Variants in RBM20 observed in about 807,000 individuals in gnomAD.
The protein encoded by RBM20 is RNA-binding protein 20.
A neutral mutation model predicts 110.1 loss-of-function variants in RBM20; 51 were observed. The observed-to-expected ratio is 0.46, with a 90% CI of 0.37 to 0.59. The LOEUF (loss-of-function observed/expected upper bound fraction) is 0.59. Among genes scored for constraint, RBM20 ranks in the 20% least tolerant of loss-of-function variants. The pLI, the probability that RBM20 is intolerant of heterozygous loss-of-function variation, is 0.00. For synonymous variants in RBM20, 589 were observed against 618.2 expected (o/e 0.95, Z 0.70); for missense variants, 1,512 against 1,574.9 (o/e 0.96, Z 0.68).
chr10:110,704,266 G>A (rs1263972134), intron 1 of RBM20, among the ~76,000 whole-genome samples: 1 of 152,142 alleles, frequency 6.6e-6, no homozygotes, highest in East Asian at 1.9e-4. Context: ...GGGTATATAT[G>A]TACCACAGTT....
In RBM20 at chr10:110,784,422, T is replaced by C. The variant is rs1223413992; in HGVS notation, c.1419T>C (p.Ala473=). 5 of 1,551,300 alleles carry C rather than the reference T, an allele frequency of 3.2e-6. No individual in the cohort carries two copies. The highest frequency in any genetic ancestry group is 4.4e-6 in the Non-Finnish European group (5 of 1,146,762). The change falls in exon 4 of 14, where the codon GCT becomes GCC. Residue 473 remains alanine, a synonymous_variant. Transcript: ENST00000369519. ...ACAGCACAGCTGTTTATAACCCTGCTGGGAATGAAGGTGAGCAAGGCCCTA... is the reference window on the plus strand; with the variant it reads ...ACAGCACAGCTGTTTATAACCCTGCCGGGAATGAAGGTGAGCAAGGCCCTA... The part of the protein sequence containing the change: ...SPNSTAVYNP[A]GNEDYASNLG...
intron 1 of RBM20, among the ~76,000 whole-genome samples, chr10:110,669,349 C>T (rs949660746): frequency 7.9e-5 from 12 of 152,140 alleles, no homozygotes; most frequent in Admixed American, 3.3e-4. Context: ...GATATTTAAA[C>T]GACCAGCTCC....
intron 1 of RBM20, among the ~76,000 whole-genome samples, chr10:110,703,334 C>T (rs368106279): frequency 1.0e-4 from 15 of 150,482 alleles, no homozygotes; most frequent in East Asian, 7.8e-4. Flanking sequence ...GCTCAGATTG[C>T]GCCATTGCAC....
chr10:110,644,131 C>A (rs1363067848), upstream of RBM20, among the ~76,000 whole-genome samples: 2 of 152,180 alleles, frequency 1.3e-5, no homozygotes, highest in Non-Finnish European at 2.9e-5. The surrounding 1 kb of genome is among the most constrained non-coding windows in gnomAD (Gnocchi z 4.3). Flanking sequence ...CGCGCTCCCT[C>A]CCCGCTTCCT....
intron 1 of RBM20, among the ~76,000 whole-genome samples, chr10:110,695,122 G>C (rs1356939174): frequency 1.3e-5 from 2 of 152,178 alleles, no homozygotes; most frequent in Non-Finnish European, 2.9e-5. Flanking sequence ...TGAGTGAGAT[G>C]ACATCCTGAG....
chr10:110,650,590 T>G (rs1861932028), intron 1 of RBM20, among the ~76,000 whole-genome samples: 1 of 151,606 alleles, frequency 6.6e-6, no homozygotes, highest in African/African-American at 2.4e-5. Flanking sequence ...GTATTTGCTT[T>G]AAGGCTGTAC....
chr10:110,810,235 C>T, intron 7 of RBM20, 148 bp from the exon 8 acceptor site: 1 of 630,014 alleles, frequency 1.6e-6, no homozygotes, highest in South Asian at 1.8e-5. Flanking sequence ...TCACACTCAT[C>T]CGTTGGATTA....
chr10:110,823,178 A>G (rs996459705), intron 11 of RBM20, among the ~76,000 whole-genome samples: 1 of 151,000 alleles, frequency 6.6e-6, no homozygotes, highest in African/African-American at 2.4e-5. Flanking sequence ...GATGGGAGGC[A>G]TGGGGGGTGG....
intron 5 of RBM20, among the ~76,000 whole-genome samples, chr10:110,787,724 T>C (rs915630278): frequency 5.9e-5 from 9 of 152,196 alleles, no homozygotes; most frequent in Non-Finnish European, 1.0e-4. Flanking sequence ...ATGGGGAGTT[T>C]ATCTGGCTTG....
rs1367962022 is a variant in RBM20, at chr10:110,835,913, G to A, written c.3619G>A (p.Gly1207Arg). Residue 1207 changes from glycine (G) to arginine (R), a missense_variant, in exon 14 of 14, where the codon GGG becomes AGG. Gly to Arg is a moderately radical substitution (Grantham distance 125). Coordinates refer to ENST00000369519, the MANE Select transcript of RBM20 (RefSeq NM_001134363.3). ...LAEEGLKETEGADSPRPEDSG... is the reference protein window; with the variant it reads ...LAEEGLKETERADSPRPEDSG... ...CGAGGAGGGCCTCAAGGAGACCGAG[G>A]GGGCAGATAGCCCGAGGCCAGAGGA... The A allele has an allele frequency of 1.3e-6, 2 of 1,537,322 alleles. No individual in the cohort carries two copies. The highest frequency in any genetic ancestry group is 3.9e-5 in the Admixed American group (2 of 50,854).
At chr10:110,674,682 T>C (rs1449727485) in intron 1 of RBM20, among the ~76,000 whole-genome samples, 1 of 152,260 alleles carries the variant, frequency 6.6e-6, no homozygotes, top group African/African-American at 2.4e-5. Flanking sequence ...TTAAGATTGA[T>C]CACTGCTTAA....
In RBM20 at chr10:110,806,284, A is replaced by G. The variant is rs185419586; in HGVS notation, c.1801-4099A>G. ...CTCCGTCTCAAAAAAAAAAAAAAGA[A>G]CTACCTGAAACTGGGTAATTTATAA... On this transcript the variant is annotated intron_variant, in intron 7 of 13. Transcript: ENST00000369519. Among the ~76,000 whole-genome samples, 350 of 152,042 alleles carry G rather than the reference A, an allele frequency of 2.3e-3. 3 individuals are homozygous for G. The East Asian group carries it at 0.031, about 13-fold the overall frequency.
intron 1 of RBM20, among the ~76,000 whole-genome samples, chr10:110,731,442 T>A (rs1285606518): frequency 6.6e-6 from 1 of 152,218 alleles, no homozygotes; most frequent in African/African-American, 2.4e-5. Context: ...TAATGTTCTA[T>A]CCATAGGTTC....
Position 110,644,560 on chromosome 10 carries a change from TCCGG to T in RBM20, c.109_112del (p.Gly37ArgfsTer66), listed in dbSNP as rs2134792820. The stretch of plus-strand genomic sequence containing the variant: ...TGGTGCCCGGGCGTCCCCGGCACCC[TCCGG>T]CCCGCGAGGGATGCAGCAGCCGCCG... On this transcript the variant is annotated frameshift_variant, in exon 1 of 14. Coordinates refer to ENST00000369519, the MANE Select transcript of RBM20 (RefSeq NM_001134363.3). LOFTEE classifies it high-confidence loss of function. This position sits in a 1 kb window ranked among gnomAD's most constrained non-coding sequence, Gnocchi z 4.3. The T allele has an allele frequency of 6.6e-7, 1 of 1,525,738 alleles. No homozygotes were observed. The highest frequency in any genetic ancestry group is 8.8e-7 in the Non-Finnish European group (1 of 1,140,232). 94.5% of individuals were successfully genotyped at this position (1,525,738 alleles called of 1,614,324 possible). A position where few individuals can be genotyped will look rare whatever the true frequency, so the allele number is the denominator to read the frequency against.
chr10:110,687,193 T>C lies in RBM20; in HGVS notation c.191+42548T>C, dbSNP rs143630807. 9.2e-5 allele frequency among the ~76,000 whole-genome samples: 14 copies of C among 152,302 alleles called. No individual in the cohort carries two copies. In the East Asian group the frequency reaches 2.7e-3, roughly 29 times the overall value. Reference sequence around the variant, plus strand: ...AGTGAAAAGCTGAGTCATATGGTAATGTCTAGAAAAGTAGTAAGATACTAA... The same window carrying C: ...AGTGAAAAGCTGAGTCATATGGTAACGTCTAGAAAAGTAGTAAGATACTAA... On this transcript the variant is annotated intron_variant, in intron 1 of 13. Transcript: ENST00000369519.
intron 1 of RBM20, among the ~76,000 whole-genome samples, chr10:110,703,009 T>G (rs1260098865): frequency 3.3e-5 from 5 of 151,444 alleles, no homozygotes; most frequent in Non-Finnish European, 7.4e-5. Context: ...TTTTGTTTTT[T>G]TTTTTGGTTG....
intron 1 of RBM20, among the ~76,000 whole-genome samples, chr10:110,745,664 C>T (rs903297531): frequency 6.6e-5 from 10 of 152,242 alleles, no homozygotes; most frequent in Non-Finnish European, 1.3e-4. Context: ...CAGGAGTAGC[C>T]GTCATATCCA....
chr10:110,757,690 A>C (rs1437545411), intron 1 of RBM20, among the ~76,000 whole-genome samples: 3 of 152,230 alleles, frequency 2.0e-5, no homozygotes, highest in Non-Finnish European at 4.4e-5. Context: ...TAGGCACAGC[A>C]CTGGGCATTG....
intron 1 of RBM20, among the ~76,000 whole-genome samples, chr10:110,771,919 A>C (rs1844198982): frequency 6.6e-6 from 1 of 152,248 alleles, no homozygotes; most frequent in African/African-American, 2.4e-5. Context: ...AATGCTTTGC[A>C]TAGCAGTTTT....
Sources: allele counts gnomAD v4.1 joint callset (sites outside exome capture counted in the v4.1 genomes callset), GRCh38; gene constraint gnomAD v4.1.1; non-coding constraint Gnocchi (gnomAD v3.1); transcripts MANE v1.5; gene names NCBI Gene and HGNC (gene_info 2026-07-23, HGNC 2026-07-21).